Variants in RAB3GAP2 observed in about 807,000 individuals in gnomAD.
RAB3GAP2 encodes the protein rab3 GTPase-activating protein non-catalytic subunit.
A neutral mutation model predicts 185.3 loss-of-function variants in RAB3GAP2; 87 were observed. That is an observed-to-expected ratio of 0.47 (90% CI 0.39 to 0.56). The LOEUF is 0.56. Ranked by LOEUF, RAB3GAP2 falls within the 20% of genes least tolerant of loss-of-function variation. The probability of loss-of-function intolerance (pLI) is 0.00; values close to 1 mark genes in which losing one functional copy is unlikely to be tolerated. For synonymous variants in RAB3GAP2, 554 were observed against 576.1 expected (o/e 0.96, Z 0.55); for missense variants, 1,492 against 1,638.2 (o/e 0.91, Z 1.54).
At chr1:220,157,686 T>C (rs961011338) in intron 30 of RAB3GAP2, 116 bp downstream of exon 30, 1 of 1,114,578 alleles carries the variant, frequency 9.0e-7, no homozygotes, top group Non-Finnish European at 1.3e-6. Context: ...AGTCAAAATT[T>C]AGAAATGAAT....
chr1:220,235,214 T>C (rs1571920364), intron 1 of RAB3GAP2, among the ~76,000 whole-genome samples: 4 of 152,334 alleles, frequency 2.6e-5, no homozygotes, highest in Admixed American at 1.3e-4. Context: ...ATTCCCTTGA[T>C]ATTGCAATTT....
chr1:220,163,753 A>ATC (rs1347290095), intron 27 of RAB3GAP2, among the ~76,000 whole-genome samples: 3 of 133,362 alleles, frequency 2.2e-5, no homozygotes, highest in Non-Finnish European at 4.5e-5. Flanking sequence ...ACATATATAT[A>ATC]TATATATATA....
chr1:220,257,671 A>G (rs1322623372), intron 1 of RAB3GAP2, among the ~76,000 whole-genome samples: 1 of 152,172 alleles, frequency 6.6e-6, no homozygotes, highest in Non-Finnish European at 1.5e-5. Flanking sequence ...AAAGAACTAG[A>G]GAACCAAGAG....
chr1:220,198,749 C>T (rs1359992850), intron 9 of RAB3GAP2, among the ~76,000 whole-genome samples: 1 of 151,906 alleles, frequency 6.6e-6, no homozygotes, highest in Non-Finnish European at 1.5e-5. Context: ...GTTATTATTA[C>T]CTTGTCATTT....
intron 1 of RAB3GAP2, among the ~76,000 whole-genome samples, chr1:220,240,079 G>T (rs537944393): frequency 6.6e-6 from 1 of 151,378 alleles, no homozygotes; most frequent in Non-Finnish European, 1.5e-5. Flanking sequence ...ACTAAAACAG[G>T]TTACACTAAA....
chr1:220,188,600 A>G (rs1269929134), intron 17 of RAB3GAP2, among the ~76,000 whole-genome samples: 2 of 152,214 alleles, frequency 1.3e-5, no homozygotes, highest in Non-Finnish European at 2.9e-5. Context: ...ACAGGTGGGA[A>G]TATAAATTAG....
intron 24 of RAB3GAP2, among the ~76,000 whole-genome samples, chr1:220,170,347 C>A (rs1658150396): frequency 6.6e-6 from 1 of 151,948 alleles, no homozygotes. Flanking sequence ...AGCAAACCAC[C>A]ATGGCACGTG....
intron 24 of RAB3GAP2, among the ~76,000 whole-genome samples, chr1:220,169,617 A>G (rs1658137926): frequency 6.6e-6 from 1 of 152,208 alleles, no homozygotes; most frequent in Non-Finnish European, 1.5e-5. Flanking sequence ...TAGGAAGCAA[A>G]TGAGAAAGAA....
intron 26 of RAB3GAP2, among the ~76,000 whole-genome samples, chr1:220,166,197 C>T (rs560867146): frequency 3.9e-5 from 6 of 152,192 alleles, no homozygotes; most frequent in African/African-American, 1.4e-4. Flanking sequence ...AAGACTATTC[C>T]TTTATTTAAA....
chr1:220,225,282 C>T (rs1386343635), intron 2 of RAB3GAP2, among the ~76,000 whole-genome samples: 2 of 152,108 alleles, frequency 1.3e-5, no homozygotes, highest in Non-Finnish European at 2.9e-5. Context: ...AATCACTTCA[C>T]CAAACTCTAC....
chr1:220,213,048 C>T, intron 3 of RAB3GAP2, 80 bp from the exon 4 acceptor site: 1 of 1,056,934 alleles, frequency 9.5e-7, no homozygotes, highest in Non-Finnish European at 1.4e-6. Context: ...TGCTCTTTCC[C>T]CTTAGAATAT....
In RAB3GAP2 at chr1:220,164,811, G is replaced by A; in HGVS notation, c.3088-12C>T. 3 of 1,602,560 alleles carry A rather than the reference G, an allele frequency of 1.9e-6. No individual in the cohort carries two copies. Among genetic ancestry groups the A allele is most frequent in the Non-Finnish European group, 2.6e-6 (3 of 1,173,192 alleles). On this transcript the variant is annotated splice_polypyrimidine_tract_variant and intron_variant, in intron 26 of 34. Coordinates refer to ENST00000358951, the MANE Select transcript of RAB3GAP2 (RefSeq NM_012414.4). ...AAAAAACGTGCTTCCTTACATACAG[G>A]GAGAAAAAAACGAGAAAGAAAAAGA...
intron 1 of RAB3GAP2, chr1:220,266,523 T>C: frequency 1.6e-6 from 1 of 631,118 alleles, no homozygotes; most frequent in South Asian, 1.8e-5. Flanking sequence ...CAGAGTGTCA[T>C]GTTTATTGAT....
chr1:220,230,619 C>T (rs1001449129), intron 2 of RAB3GAP2, among the ~76,000 whole-genome samples: 22 of 152,200 alleles, frequency 1.4e-4, no homozygotes, highest in Admixed American at 1.3e-4. Context: ...TCTGATTTCT[C>T]TGCCAAAGCT....
rs1187011731 is a variant in RAB3GAP2 at position 220,172,707 on chromosome 1, C to A, written c.2346G>T (p.Lys782Asn). The change falls in exon 22 of 35, where the codon AAG becomes AAT. Residue 782 changes from lysine (K) to asparagine (N), a missense_variant. This residue lies in a region of RAB3GAP2 where 681 missense variants were observed against 689.1 expected (regional missense o/e 0.99). Transcript: ENST00000358951. ...TTGACTGTGGTTTATCCAAAATATC[C>A]TTTTCCTTTGAAAGCCAAACACTCA... The part of the protein sequence containing the change: ...LLLSVWLSKE[K>N]DILDKPQSIC... The A allele has an allele frequency of 6.2e-7, 1 of 1,613,098 alleles. No homozygotes were observed. The highest frequency in any genetic ancestry group is 1.7e-5 in the Admixed American group (1 of 60,012).
chr1:220,165,947 TC>T (rs1658054175), intron 26 of RAB3GAP2, among the ~76,000 whole-genome samples: 1 of 152,266 alleles, frequency 6.6e-6, no homozygotes, highest in African/African-American at 2.4e-5. Flanking sequence ...AGCAGAATTT[TC>T]TTCTTAAATG....
chr1:220,255,092 T>C (rs902534316), intron 1 of RAB3GAP2, among the ~76,000 whole-genome samples: 8 of 152,066 alleles, frequency 5.3e-5, no homozygotes, highest in Admixed American at 1.3e-4. Flanking sequence ...TTGTGTCTAA[T>C]GCACGTTTTA....
intron 1 of RAB3GAP2, among the ~76,000 whole-genome samples, chr1:220,265,384 T>C (rs1007288821): frequency 5.3e-5 from 8 of 152,096 alleles, no homozygotes; most frequent in Non-Finnish European, 1.5e-5. Context: ...TTTTAGTATG[T>C]CAATAAGAAA....
At chr1:220,157,633 C>A (rs548775833) in intron 30 of RAB3GAP2, 145 bp from the exon 31 acceptor site, 2 of 1,076,048 alleles carry the variant, frequency 1.9e-6, no homozygotes, top group South Asian at 1.4e-5. Flanking sequence ...AGTCTAATTT[C>A]AATAAGAATT....
Sources: allele counts gnomAD v4.1 joint callset (sites outside exome capture counted in the v4.1 genomes callset), GRCh38; gene constraint gnomAD v4.1.1; regional missense constraint gnomAD v4.1.1; transcripts MANE v1.5; gene names NCBI Gene and HGNC (gene_info 2026-07-23, HGNC 2026-07-21).